Variants in AHI1 observed in about 807,000 individuals in gnomAD.
The protein encoded by AHI1 is jouberin.
A neutral mutation model predicts 149.3 loss-of-function variants in AHI1; 123 were observed. The observed-to-expected ratio is 0.82, with a 90% CI of 0.71 to 0.96. The LOEUF (loss-of-function observed/expected upper bound fraction) is 0.96, where lower values mean the gene tolerates loss of function less well. Ranked by LOEUF, AHI1 falls within the 40% of genes least tolerant of loss-of-function variation. The pLI is 0.00. For synonymous variants in AHI1, 475 were observed against 459.8 expected (o/e 1.03, Z -0.42); for missense variants, 1,439 against 1,422.7 (o/e 1.01, Z -0.18).
rs1220837186 is a variant in AHI1, at chr6:135,492,896, A to C, written c.-54-605T>G. The C allele has an allele frequency of 1.9e-5, 19 of 984,440 alleles. No homozygotes were observed. The Admixed American group carries it at 1.2e-3, about 61-fold the overall frequency. The allele number at this position is 984,440 out of a possible 1,614,324, so 61.0% of individuals were successfully genotyped here. On this transcript the variant is annotated intron_variant, in intron 3 of 28. Coordinates refer to ENST00000265602, the MANE Select transcript of AHI1 (RefSeq NM_001134831.2). ...CTAAATTGCCCATTTTATTAAAAAAATCGGTGTATGTCTAAAATGAACATA... is the reference window on the plus strand; with the variant it reads ...CTAAATTGCCCATTTTATTAAAAAACTCGGTGTATGTCTAAAATGAACATA...
Position 135,285,665 on chromosome 6 carries a change from C to T in AHI1, c.3589-18G>A, listed in dbSNP as rs1219453889. The T allele has an allele frequency of 3.8e-6, 6 of 1,594,862 alleles. No individual in the cohort carries two copies. Among genetic ancestry groups the T allele is most frequent in the Admixed American group, 1.7e-5 (1 of 58,654 alleles). ...ATTCTTTACTGGAAAGAAAAATACA[C>T]AAAATGTACTAAATAAACTTGAATA... is the stretch of plus-strand genomic sequence containing the variant. On this transcript the variant is annotated intron_variant, in intron 28 of 28. Coordinates refer to ENST00000265602, the MANE Select transcript of AHI1 (RefSeq NM_001134831.2).
chr6:135,438,388 C>G lies in AHI1; in HGVS notation c.2023G>C (p.Asp675His). 1 of 1,579,050 alleles carries G rather than the reference C, an allele frequency of 6.3e-7. No homozygotes were observed. Among genetic ancestry groups the G allele is most frequent in the Non-Finnish European group, 8.6e-7 (1 of 1,160,380 alleles). ...AAGGATACTAACCTGGCAGTGCCAT[C>G]AGATGATGAAGTAAGGATGTAGTGA... Reference protein sequence around the residue: ...DDHYILTSSSDGTARIWKNEI... With the variant: ...DDHYILTSSSHGTARIWKNEI... The change falls in exon 15 of 29, where the codon GAT (aspartate) becomes CAT (histidine). Residue 675 changes from aspartate (D) to histidine (H), a missense_variant. By Grantham distance (81) the Asp-to-His change is moderately conservative. Transcript: ENST00000265602.
chr6:135,383,226 C>CTTTTGTTT (rs1777104432), intron 23 of AHI1, among the ~76,000 whole-genome samples: 1 of 76,870 alleles, frequency 1.3e-5, no homozygotes, highest in Non-Finnish European at 2.2e-5. Flanking sequence ...TCCCCCCTCC[C>CTTTTGTTT]TTTTTTTTTT....
Position 135,447,090 on chromosome 6 carries a change from T to C in AHI1, c.1697A>G (p.His566Arg). ...EKGKPVHCER[H>R]HESSSVDTEP... ...TGTGTCTACTGAGCTTGACTCATGG[T>C]GACGTTCACAATGCACTGGTTTACC... The change falls in exon 13 of 29, where the codon CAC becomes CGC. Residue 566 changes from histidine to arginine, a missense_variant. Coordinates refer to ENST00000265602, the MANE Select transcript of AHI1 (RefSeq NM_001134831.2). 1 of 1,613,310 alleles carries C rather than the reference T, an allele frequency of 6.2e-7. No individual in the cohort carries two copies. Among genetic ancestry groups the C allele is most frequent in the Non-Finnish European group, 8.5e-7 (1 of 1,179,480 alleles).
intron 11 of AHI1, among the ~76,000 whole-genome samples, chr6:135,451,013 T>TC (rs1376481179): frequency 3.9e-5 from 6 of 152,006 alleles, no homozygotes; most frequent in South Asian, 4.2e-4. Context: ...CCCTTTTTTT[T>TC]TGAGATGGAG....
chr6:135,302,868 C>A, intron 26 of AHI1: 1 of 1,242,434 alleles, frequency 8.0e-7, no homozygotes, highest in Non-Finnish European at 1.1e-6. Context: ...CCGCAAATAA[C>A]CCCCACCATC....
rs1197850368 is a variant in AHI1, at chr6:135,452,337, C to T, written c.1440+1004G>A. 5.9e-5 allele frequency among the ~76,000 whole-genome samples: 9 copies of T among 152,152 alleles called. No homozygotes were observed. In the South Asian group the frequency reaches 1.9e-3, roughly 32 times the overall value. The stretch of plus-strand genomic sequence containing the variant: ...TGATGTTTGAAGGAAAAGATAATTA[C>T]AAAATTAAAATATCCTTTTTTAAAC... On this transcript the variant is annotated intron_variant, in intron 11 of 28. Transcript: ENST00000265602.
At chr6:135,301,658 G>GA in intron 26 of AHI1, 1 of 985,398 alleles carries the variant, frequency 1.0e-6, no homozygotes. Context: ...ATAAAAACAA[G>GA]AATTAAAGAG....
chr6:135,332,127 T>C (rs1465510986), intron 24 of AHI1, among the ~76,000 whole-genome samples: 1 of 151,476 alleles, frequency 6.6e-6, no homozygotes, highest in East Asian at 1.9e-4. Flanking sequence ...TGGAGTGCAG[T>C]GGTGCAGTCT....
Position 135,301,678 on chromosome 6 carries a change from T to G in AHI1, c.3427-1120A>C, listed in dbSNP as rs1211416343. 3 of 985,302 alleles carry G rather than the reference T, an allele frequency of 3.0e-6. No homozygotes were observed. In the African/African-American group the frequency reaches 5.2e-5, roughly 17 times the overall value. 61.0% of individuals were successfully genotyped at this position (985,302 alleles called of 1,614,324 possible). A position where few individuals can be genotyped will look rare whatever the true frequency, so the allele number is the denominator to read the frequency against. The stretch of plus-strand genomic sequence containing the variant: ...AACAAGAATTAAAGAGCAAGGAGAC[T>G]TTTTGGTGAAAGGTGAGTGTTGCAA... On this transcript the variant is annotated intron_variant, in intron 26 of 28. Coordinates refer to ENST00000265602, the MANE Select transcript of AHI1 (RefSeq NM_001134831.2).
At chr6:135,496,276 C>A (rs912733968) in intron 2 of AHI1, among the ~76,000 whole-genome samples, 16 of 152,008 alleles carry the variant, frequency 1.1e-4, no homozygotes, top group African/African-American at 3.6e-4. Context: ...GCCATCACAC[C>A]CAGCTAATTT....
chr6:135,286,640 G>A (rs1208317436), intron 28 of AHI1: 1 of 152,156 alleles, frequency 6.6e-6, no homozygotes, highest in Admixed American at 6.5e-5. Flanking sequence ...TTAAGGAACA[G>A]GCCCAATCTT....
At chr6:135,404,630 A>T (rs1285392828) in intron 22 of AHI1, among the ~76,000 whole-genome samples, 3 of 152,242 alleles carry the variant, frequency 2.0e-5, no homozygotes, top group Non-Finnish European at 4.4e-5. Context: ...AACTATATTG[A>T]CCGGTGTCTT....
At chr6:135,334,788 A>C (rs1025238091) in intron 24 of AHI1, among the ~76,000 whole-genome samples, 4 of 152,226 alleles carry the variant, frequency 2.6e-5, no homozygotes, top group African/African-American at 7.2e-5. Context: ...GAAAATTATG[A>C]ATCACTGATT....
rs562899192 is a variant in AHI1 at position 135,446,028 on chromosome 6, C to A, written c.1779+980G>T. ...CCGAGATTGCACCACTGCACTCCAG[C>A]CTGGGCGACAGAGCAAGTCTCCGTC... On this transcript the variant is annotated intron_variant, in intron 13 of 28. Coordinates refer to ENST00000265602, the MANE Select transcript of AHI1 (RefSeq NM_001134831.2). 3.9e-5 allele frequency among the ~76,000 whole-genome samples: 6 copies of A among 151,982 alleles called. No individual in the cohort carries two copies. The South Asian group carries it at 8.3e-4, about 21-fold the overall frequency.
At chr6:135,476,345 A>C (rs998731966) in intron 5 of AHI1, among the ~76,000 whole-genome samples, 1 of 151,464 alleles carries the variant, frequency 6.6e-6, no homozygotes, top group Non-Finnish European at 1.5e-5. Flanking sequence ...TTTACATTTA[A>C]AATTTTTATT....
At chr6:135,448,259 G>C in intron 12 of AHI1, 31 bp downstream of exon 12, 1 of 1,431,232 alleles carries the variant, frequency 7.0e-7, no homozygotes, top group Non-Finnish European at 9.5e-7. Context: ...AACACTAGAT[G>C]ATATACACTT....
chr6:135,360,797 G>C (rs1427394539), intron 23 of AHI1, among the ~76,000 whole-genome samples: 1 of 152,072 alleles, frequency 6.6e-6, no homozygotes, highest in Non-Finnish European at 1.5e-5. Context: ...GGAATATATA[G>C]ATAGAATAAA....
intron 20 of AHI1, among the ~76,000 whole-genome samples, chr6:135,425,830 AT>A (rs1783841230): frequency 6.6e-6 from 1 of 152,014 alleles, no homozygotes; most frequent in South Asian, 2.1e-4. Context: ...TACTCTGATG[AT>A]AAAATCCTGT....
Sources: allele counts gnomAD v4.1 joint callset (sites outside exome capture counted in the v4.1 genomes callset), GRCh38; gene constraint gnomAD v4.1.1; transcripts MANE v1.5; gene names NCBI Gene and HGNC (gene_info 2026-07-23, HGNC 2026-07-21).